Variants in ENPP3 observed in about 807,000 individuals in gnomAD.
ENPP3 encodes ectonucleotide pyrophosphatase/phosphodiesterase family member 3.
A neutral mutation model predicts 117.8 loss-of-function variants in ENPP3; 104 were observed. The ratio of observed to expected loss-of-function variants is 0.88; its 90% CI spans 0.75 to 1.04. The LOEUF (loss-of-function observed/expected upper bound fraction) is 1.04, where lower values mean the gene tolerates loss of function less well. Ranked by LOEUF, ENPP3 falls within the 50% of genes least tolerant of loss-of-function variation. The pLI, the probability that ENPP3 is intolerant of heterozygous loss-of-function variation, is 0.00. For missense variants in ENPP3, 1,026 were observed against 1,051.9 expected (o/e 0.98, Z 0.34); for synonymous variants, 380 against 349.9 (o/e 1.09, Z -0.96).
At chr6:131,649,008 G>A (rs1778207377) in intron 2 of ENPP3, among the ~76,000 whole-genome samples, 1 of 152,026 alleles carries the variant, frequency 6.6e-6, no homozygotes, top group South Asian at 2.1e-4. Context: ...CCTTTTTTCA[G>A]TGCCTTTGCC....
chr6:131,724,226 T>TAAAAAAAAAAA lies in ENPP3; in HGVS notation c.1798+138_1798+148dup, dbSNP rs397941468. Reference sequence around the variant, plus strand: ...GATTTTATTGCCAATATACAAAAGGTAAAAAAAAAAAAACTCACAACAGAT... The same window carrying TAAAAAAAAAAA: ...GATTTTATTGCCAATATACAAAAGGTAAAAAAAAAAAAAAAAAAAAAAAACTCACAACAGAT... On this transcript the variant is annotated intron_variant, in intron 19 of 24. Coordinates refer to ENST00000357639, the MANE Select transcript of ENPP3 (RefSeq NM_005021.5). 319 of 423,144 alleles carry TAAAAAAAAAAA rather than the reference T, an allele frequency of 7.5e-4. 1 individual carries two copies. Among genetic ancestry groups the TAAAAAAAAAAA allele is most frequent in the Middle Eastern group, 2.6e-3 (5 of 1,904 alleles). 26.2% of individuals were successfully genotyped at this position (423,144 alleles called of 1,614,324 possible). A position where few individuals can be genotyped will look rare whatever the true frequency, so the allele number is the denominator to read the frequency against.
At chr6:131,651,635 A>G (rs1438298057) in intron 3 of ENPP3, among the ~76,000 whole-genome samples, 1 of 152,196 alleles carries the variant, frequency 6.6e-6, no homozygotes, top group Non-Finnish European at 1.5e-5. Flanking sequence ...TACAATGTTT[A>G]ATTCCCTAAA....
At chr6:131,745,231 T>G (rs1780611482) in intron 24 of ENPP3, among the ~76,000 whole-genome samples, 1 of 151,578 alleles carries the variant, frequency 6.6e-6, no homozygotes, top group Non-Finnish European at 1.5e-5. Context: ...TCTAATTAGA[T>G]TCCCATTGAA....
chr6:131,638,863 A>G (rs191183878), intron 1 of ENPP3, among the ~76,000 whole-genome samples: 223 of 150,966 alleles, frequency 1.5e-3, no homozygotes, highest in African/African-American at 5.1e-3. Context: ...GGGTCTCGCT[A>G]TGTTGCCCAG....
chr6:131,738,244 A>G, intron 23 of ENPP3, 81 bp downstream of exon 23: 1 of 1,087,034 alleles, frequency 9.2e-7, no homozygotes. Context: ...TCAGTATTTT[A>G]AATATTACAT....
At chr6:131,738,430 A>T (rs1344977046) in intron 23 of ENPP3, among the ~76,000 whole-genome samples, 1 of 152,106 alleles carries the variant, frequency 6.6e-6, no homozygotes, top group Non-Finnish European at 1.5e-5. Context: ...GATAACATGA[A>T]ATTTTGTAAA....
At position 131,658,433 on chromosome 6, in the gene ENPP3, T is replaced by A. The variant is rs1778430952; in HGVS notation, c.562+13T>A. On this transcript the variant is annotated intron_variant, in intron 6 of 24. Transcript: ENST00000357639. ...ATCAATAAACTGAGTAAGTCTTCTG[T>A]AACTAGTGGCATGCAAATGATAAAG... is the stretch of plus-strand genomic sequence containing the variant. 2 of 1,319,918 alleles carry A rather than the reference T, an allele frequency of 1.5e-6. No individual in the cohort carries two copies. The highest frequency in any genetic ancestry group is 2.2e-6 in the Non-Finnish European group (2 of 913,674). 81.8% of individuals were successfully genotyped at this position (1,319,918 alleles called of 1,614,324 possible).
intron 15 of ENPP3, among the ~76,000 whole-genome samples, chr6:131,699,235 C>CAAAAAAAAAA (rs4053087): frequency 0.09 from 8,394 of 93,446 alleles, 15 homozygotes; most frequent in East Asian, 0.12. Flanking sequence ...AAGACTGTCT[C>CAAAAAAAAAA]AAAAAAAAAA....
At chr6:131,706,580 T>G (rs1233024062) in intron 15 of ENPP3, among the ~76,000 whole-genome samples, 2 of 151,500 alleles carry the variant, frequency 1.3e-5, no homozygotes, top group Non-Finnish European at 2.9e-5. Flanking sequence ...GTTAGCTTTT[T>G]GTAGATGCTT....
At chr6:131,701,801 G>T (rs1779538185) in intron 15 of ENPP3, among the ~76,000 whole-genome samples, 1 of 150,196 alleles carries the variant, frequency 6.7e-6, no homozygotes, top group Non-Finnish European at 1.5e-5. Flanking sequence ...AGAATTGCTT[G>T]ATCCCAGGAG....
At chr6:131,710,576 A>C in intron 15 of ENPP3, 2 of 1,613,258 alleles carry the variant, frequency 1.2e-6, no homozygotes, top group Non-Finnish European at 1.7e-6. Flanking sequence ...TTTTCTAGAC[A>C]GAGGATTTCA....
At chr6:131,709,510 T>C in intron 15 of ENPP3, 1 of 1,613,762 alleles carries the variant, frequency 6.2e-7, no homozygotes. Context: ...TGCATTAGGA[T>C]CTTTTTCTAA....
In ENPP3 at chr6:131,740,371, G is replaced by C; in HGVS notation, c.2448G>C (p.Glu816Asp). 6.2e-7 allele frequency: 1 copy of C among 1,607,858 alleles called. No individual in the cohort carries two copies. Among genetic ancestry groups the C allele is most frequent in the Non-Finnish European group, 8.5e-7 (1 of 1,177,044 alleles). The change falls in exon 24 of 25, where the codon GAG becomes GAC. Residue 816 changes from glutamate to aspartate, a missense_variant. By Grantham distance (45) the Glu-to-Asp change is conservative. Transcript: ENST00000357639. ...FIIPHRPTNV[E>D]SCPEGKPEAL... is the part of the protein sequence containing the mutation. ...TCCCTCACCGACCTACCAACGTGGA[G>C]AGCTGTCCTGTGAGTATGCTTTGGG...
chr6:131,689,064 TA>T (rs765719825), intron 14 of ENPP3, among the ~76,000 whole-genome samples: 46 of 152,006 alleles, frequency 3.0e-4, no homozygotes, highest in Non-Finnish European at 6.5e-4. Context: ...AGACTCTATT[TA>T]AAAGAGAGAG....
At chr6:131,735,299 G>C (rs1780371223) in intron 21 of ENPP3, among the ~76,000 whole-genome samples, 1 of 152,110 alleles carries the variant, frequency 6.6e-6, no homozygotes, top group Admixed American at 6.5e-5. Flanking sequence ...TAAAACAGAG[G>C]TAATGTTATG....
chr6:131,641,223 T>C (rs1005129531), intron 1 of ENPP3, among the ~76,000 whole-genome samples: 1 of 152,200 alleles, frequency 6.6e-6, no homozygotes, highest in Admixed American at 6.5e-5. Context: ...AATTTGAAGA[T>C]CTGTAATAAA....
intron 5 of ENPP3, among the ~76,000 whole-genome samples, chr6:131,655,370 A>C (rs988516320): frequency 6.6e-6 from 1 of 152,228 alleles, no homozygotes; most frequent in Non-Finnish European, 1.5e-5. Context: ...CTCATTTTAC[A>C]AAGAATGAAA....
chr6:131,682,945 A>T (rs894640532), intron 11 of ENPP3, 109 bp from the exon 12 acceptor site: 77 of 725,558 alleles, frequency 1.1e-4, no homozygotes, highest in Non-Finnish European at 3.0e-5. Context: ...CTGTTTCAAA[A>T]CCAGCAATTT....
At chr6:131,696,373 C>T (rs916624398) in intron 15 of ENPP3, among the ~76,000 whole-genome samples, 4 of 152,162 alleles carry the variant, frequency 2.6e-5, no homozygotes, top group African/African-American at 7.2e-5. Flanking sequence ...ACTAGAACCA[C>T]GTACAAGGCT....
Sources: gnomAD v4.1 joint callset for allele counts (sites outside exome capture counted in the v4.1 genomes callset) on GRCh38, gnomAD v4.1.1 for gene constraint, MANE v1.5 for transcripts, NCBI Gene and HGNC (gene_info 2026-07-23, HGNC 2026-07-21) for gene names.